The following SLC5A1 variants were observed in gnomAD, a reference collection of about 807,000 sequenced individuals.
The protein encoded by SLC5A1 is sodium/glucose cotransporter 1.
In SLC5A1, 42 loss-of-function variants were observed where a neutral mutation model predicts 73.5. The observed-to-expected ratio is 0.57, with a 90% CI of 0.45 to 0.74. The LOEUF is 0.74. Among genes scored for constraint, SLC5A1 ranks in the 30% least tolerant of loss-of-function variants. The pLI is 0.00. For missense variants in SLC5A1, 634 were observed against 855.4 expected, an observed-to-expected ratio of 0.74 and a Z score of 3.23; for synonymous variants, 300 against 317.4, an observed-to-expected ratio of 0.95 and a Z score of 0.58.
chr22:32,068,997 G>C (rs1910052268), intron 5 of SLC5A1, among the ~76,000 whole-genome samples: 1 of 152,198 alleles, frequency 6.6e-6, no homozygotes, highest in South Asian at 2.1e-4. Flanking sequence ...CAATAGTGAA[G>C]ATATAGAATC....
intron 13 of SLC5A1, among the ~76,000 whole-genome samples, chr22:32,102,966 CATTT>C (rs1392337420): frequency 3.9e-5 from 6 of 152,168 alleles, no homozygotes; most frequent in Admixed American, 2.0e-4. Context: ...TTTATCCATT[CATTT>C]GTCAGTGGAC....
chr22:32,060,104 T>C (rs929386461), intron 2 of SLC5A1, among the ~76,000 whole-genome samples: 3 of 144,968 alleles, frequency 2.1e-5, no homozygotes, highest in Non-Finnish European at 4.5e-5. Context: ...CACATATATA[T>C]ACACACACAT....
chr22:32,065,554 GTTTA>G (rs969562314), intron 2 of SLC5A1, among the ~76,000 whole-genome samples: 9 of 152,008 alleles, frequency 5.9e-5, no homozygotes, highest in Admixed American at 1.3e-4. Flanking sequence ...TGTTTTTGTT[GTTTA>G]TTTATTTATG....
At chr22:32,053,332 C>T (rs2093947477) in intron 2 of SLC5A1, among the ~76,000 whole-genome samples, 1 of 152,038 alleles carries the variant, frequency 6.6e-6, no homozygotes, top group Non-Finnish European at 1.5e-5. Flanking sequence ...TCTCTTCCTC[C>T]TTTTTATTCT....
chr22:32,047,848 C>T (rs2093939129), intron 1 of SLC5A1, among the ~76,000 whole-genome samples: 3 of 152,124 alleles, frequency 2.0e-5, no homozygotes, highest in Admixed American at 1.3e-4. Flanking sequence ...GCTTTTTAGC[C>T]TCAGTGGTCA....
rs1341108815 is a variant in SLC5A1 at position 32,083,192 on chromosome 22, G to C, written c.664+38G>C. Reference sequence around the variant, plus strand: ...AGGGCAGGCTGAGGAGGTGGGAGCAGAGGTAGAGGGCCTCAGGAAGAGGAA... The same window carrying C: ...AGGGCAGGCTGAGGAGGTGGGAGCACAGGTAGAGGGCCTCAGGAAGAGGAA... On this transcript the variant is annotated intron_variant, in intron 7 of 14. Transcript: ENST00000266088. 7 of 1,554,024 alleles carry C rather than the reference G, an allele frequency of 4.5e-6. No homozygotes were observed. In the South Asian group the frequency reaches 7.8e-5, roughly 17 times the overall value.
intron 5 of SLC5A1, among the ~76,000 whole-genome samples, 176 bp downstream of exon 5, chr22:32,068,776 G>A (rs902393131): frequency 2.0e-5 from 3 of 152,018 alleles, no homozygotes; most frequent in Admixed American, 1.3e-4. Context: ...GGAATTCAAT[G>A]GAAATCTGTC....
At chr22:32,094,505 T>G (rs1004812387) in intron 11 of SLC5A1, among the ~76,000 whole-genome samples, 1 of 152,144 alleles carries the variant, frequency 6.6e-6, no homozygotes, top group Admixed American at 6.5e-5. Flanking sequence ...TAAATTACCA[T>G]TTCAACTTCG....
intron 5 of SLC5A1, among the ~76,000 whole-genome samples, chr22:32,071,343 C>T: frequency 6.6e-6 from 1 of 152,110 alleles, no homozygotes; most frequent in East Asian, 1.9e-4. Context: ...GTCACAGTTA[C>T]TCAGGAGGCT....
rs775681808 is a variant in SLC5A1 at position 32,043,287 on chromosome 22, C to CAGT, written c.9_11dup (p.Ser4dup). On this transcript the variant is annotated inframe_insertion, in exon 1 of 15. Transcript: ENST00000266088. The surrounding 1 kb of genome is among the most constrained non-coding windows in gnomAD (Gnocchi z 6.5). The stretch of plus-strand genomic sequence containing the variant: ...AAGGACGCAACGCTGCCACCATGGA[C>CAGT]AGTAGCACCTGGAGCCCCAAGACCA... The CAGT allele has an allele frequency of 2.5e-6, 4 of 1,614,022 alleles. No individual in the cohort carries two copies. Among genetic ancestry groups the CAGT allele is most frequent in the Middle Eastern group, 1.7e-4 (1 of 6,060 alleles).
At chr22:32,058,794 T>C (rs141833129) in intron 2 of SLC5A1, among the ~76,000 whole-genome samples, 231 of 152,302 alleles carry the variant, frequency 1.5e-3, no homozygotes, top group African/African-American at 5.2e-3. Flanking sequence ...CAGACTGATA[T>C]TTCACAGAGC....
rs1399038466 is a variant in SLC5A1, at chr22:32,111,492, AC to A, written c.*1280del. The A allele has an allele frequency of 6.6e-6, 1 of 152,228 alleles. No homozygotes were observed. Among genetic ancestry groups the A allele is most frequent in the Non-Finnish European group, 1.5e-5 (1 of 68,034 alleles). 9.4% of individuals were successfully genotyped at this position (152,228 alleles called of 1,614,324 possible). On this transcript the variant is annotated 3_prime_UTR_variant, in exon 15 of 15. Transcript: ENST00000266088. ...GTCAGCAAGTGAGTCTTGAAGAGAT[AC>A]TAAACAAACCCACAACACAGATAAA...
At chr22:32,066,594 C>A (rs1214239021) in intron 2 of SLC5A1, among the ~76,000 whole-genome samples, 1 of 152,194 alleles carries the variant, frequency 6.6e-6, no homozygotes, top group Admixed American at 6.5e-5. Context: ...AGGCACACAG[C>A]CTTGAAGGAG....
chr22:32,084,633 A>AC lies in SLC5A1; in HGVS notation c.861dup (p.Trp289ValfsTer64). The AC allele has an allele frequency of 6.2e-7, 1 of 1,614,070 alleles. No individual in the cohort carries two copies. Among genetic ancestry groups the AC allele is most frequent in the Non-Finnish European group, 8.5e-7 (1 of 1,179,972 alleles). Reference sequence around the variant, plus strand: ...GTTCATCTTTGGGATGTCCATCCTTACCTTGTGGTACTGGTGCACAGATCA... The same window carrying AC: ...GTTCATCTTTGGGATGTCCATCCTTACCCTTGTGGTACTGGTGCACAGATCA... On this transcript the variant is annotated frameshift_variant, in exon 8 of 15. Transcript: ENST00000266088. LOFTEE classifies it high-confidence loss of function.
At chr22:32,076,933 AT>A (rs1474227802) in intron 5 of SLC5A1, among the ~76,000 whole-genome samples, 1 of 152,210 alleles carries the variant, frequency 6.6e-6, no homozygotes, top group Non-Finnish European at 1.5e-5. Flanking sequence ...CCTGGGCTAA[AT>A]CCAACACACG....
At chr22:32,061,844 T>C (rs2093963610) in intron 2 of SLC5A1, among the ~76,000 whole-genome samples, 1 of 152,148 alleles carries the variant, frequency 6.6e-6, no homozygotes, top group Non-Finnish European at 1.5e-5. Flanking sequence ...GAATAGTCTA[T>C]TCAGGTCTGA....
rs1052645491 is a variant in SLC5A1 at position 32,059,424 on chromosome 22, G to A, written c.208-7511G>A. The A allele has an allele frequency of 5.2e-5, 45 of 861,388 alleles. No homozygotes were observed. The African/African-American group carries it at 7.3e-4, about 14-fold the overall frequency. 53.4% of individuals were successfully genotyped at this position (861,388 alleles called of 1,614,324 possible). Reference sequence around the variant, plus strand: ...ACTGGGCTTTATTCTGCAGATGAGGGAAGTGTTTTTATAGACAGAGCTTGA... The same window carrying A: ...ACTGGGCTTTATTCTGCAGATGAGGAAAGTGTTTTTATAGACAGAGCTTGA... On this transcript the variant is annotated intron_variant, in intron 2 of 14. Transcript: ENST00000266088.
At position 32,047,527 on chromosome 22, in the gene SLC5A1, C is replaced by G. The variant is rs1318371436; in HGVS notation, c.136-2416C>G. On this transcript the variant is annotated intron_variant, in intron 1 of 14. Coordinates refer to ENST00000266088, the MANE Select transcript of SLC5A1 (RefSeq NM_000343.4). ...AGGTCTCTTGCTATTCCCAAAAAAA[C>G]TGCTACAGAGGACTTCACAGTATCT... 4.0e-5 allele frequency among the ~76,000 whole-genome samples: 6 copies of G among 151,514 alleles called. No homozygotes were observed. The East Asian group carries it at 1.2e-3, about 29-fold the overall frequency.
intron 2 of SLC5A1, among the ~76,000 whole-genome samples, chr22:32,060,199 A>ATATT (rs1555962203): frequency 7.3e-6 from 1 of 136,560 alleles, no homozygotes; most frequent in Non-Finnish European, 1.6e-5. Flanking sequence ...ATATATATAT[A>ATATT]TTTTTTTAAG....
Sources: allele counts gnomAD v4.1 joint callset (sites outside exome capture counted in the v4.1 genomes callset), GRCh38; gene constraint gnomAD v4.1.1; non-coding constraint Gnocchi (gnomAD v3.1); transcripts MANE v1.5; gene names NCBI Gene and HGNC (gene_info 2026-07-23, HGNC 2026-07-21).